AKAP6: variants seen among roughly 807,000 people sequenced by gnomAD.
AKAP6 encodes the protein A-kinase anchor protein 6.
AKAP6 carries 58 observed loss-of-function variants against 188.5 expected under a neutral mutation model. The observed-to-expected ratio is 0.31, with a 90% confidence interval of 0.25 to 0.38. The LOEUF (loss-of-function observed/expected upper bound fraction) is 0.38. AKAP6 is among the 10% of genes least tolerant of loss of function. AKAP6 has a pLI of 1.00. For missense variants in AKAP6, 2,710 were observed against 2,740.0 expected, an observed-to-expected ratio of 0.99 and a Z score of 0.24; for synonymous variants, 989 against 998.6, an observed-to-expected ratio of 0.99 and a Z score of 0.18.
At chr14:32,592,943 A>G (rs1044099555) in intron 5 of AKAP6, among the ~76,000 whole-genome samples, 3 of 150,684 alleles carry the variant, frequency 2.0e-5, no homozygotes, top group African/African-American at 7.3e-5. Context: ...ATTCTACAGC[A>G]TGTCATAACT....
At chr14:32,451,080 T>C (rs192141684) in intron 2 of AKAP6, among the ~76,000 whole-genome samples, 353 of 152,292 alleles carry the variant, frequency 2.3e-3, no homozygotes, top group African/African-American at 8.0e-3. Context: ...TGGAAATACT[T>C]ATGAACAAAC....
chr14:32,468,195 C>T (rs1356663801), intron 2 of AKAP6, among the ~76,000 whole-genome samples: 1 of 152,074 alleles, frequency 6.6e-6, no homozygotes, highest in Non-Finnish European at 1.5e-5. Context: ...TTAAGAGAAA[C>T]ACTGGCACCT....
intron 12 of AKAP6, among the ~76,000 whole-genome samples, chr14:32,776,551 A>G (rs7146115): frequency 0.021 from 3,234 of 152,304 alleles, 116 homozygotes; most frequent in African/African-American, 0.073. Context: ...ATACACTGCT[A>G]TATCCCCCAG....
At chr14:32,675,183 G>A (rs1419149633) in intron 7 of AKAP6, among the ~76,000 whole-genome samples, 1 of 152,052 alleles carries the variant, frequency 6.6e-6, no homozygotes, top group African/African-American at 2.4e-5. Context: ...TATAAATCCA[G>A]CCGATTTCTC....
chr14:32,353,137 T>C (rs961920818), intron 1 of AKAP6, among the ~76,000 whole-genome samples: 2 of 152,184 alleles, frequency 1.3e-5, no homozygotes, highest in Admixed American at 1.3e-4. Context: ...CACTTACCTA[T>C]AGAGAACAGT....
intron 7 of AKAP6, among the ~76,000 whole-genome samples, chr14:32,614,597 T>C (rs1395482739): frequency 6.6e-6 from 1 of 152,200 alleles, no homozygotes; most frequent in Admixed American, 6.5e-5. Context: ...TATCAAATAA[T>C]GTTTATTAAG....
chr14:32,580,760 G>T (rs1056146397), intron 5 of AKAP6, among the ~76,000 whole-genome samples: 4 of 151,114 alleles, frequency 2.6e-5, no homozygotes, highest in Middle Eastern at 3.2e-3. Flanking sequence ...GTGTCCATGT[G>T]TTCTCATTGT....
chr14:32,329,587 T>C (rs1458338408), intron 1 of AKAP6, among the ~76,000 whole-genome samples, 179 bp downstream of exon 1: 1 of 152,098 alleles, frequency 6.6e-6, no homozygotes, highest in Non-Finnish European at 1.5e-5. Context: ...AAGAGTCATA[T>C]AGGAATTAAA....
intron 2 of AKAP6, among the ~76,000 whole-genome samples, chr14:32,468,765 A>G (rs1245997804): frequency 6.6e-6 from 1 of 152,144 alleles, no homozygotes; most frequent in African/African-American, 2.4e-5. Flanking sequence ...TGACAGAAAC[A>G]CAACCACTTC....
intron 12 of AKAP6, among the ~76,000 whole-genome samples, chr14:32,811,523 A>G (rs555128181): frequency 2.4e-4 from 36 of 152,290 alleles, no homozygotes; most frequent in Non-Finnish European, 4.7e-4. Context: ...TTAGGTTACA[A>G]CTGTAACTAT....
intron 12 of AKAP6, among the ~76,000 whole-genome samples, chr14:32,775,067 T>A (rs1425034791): frequency 1.3e-5 from 2 of 152,232 alleles, no homozygotes; most frequent in East Asian, 3.8e-4. Context: ...GCTGAAGTTG[T>A]TAAATTTCTT....
intron 12 of AKAP6, among the ~76,000 whole-genome samples, chr14:32,785,641 A>C (rs1209938962): frequency 6.6e-6 from 1 of 152,182 alleles, no homozygotes; most frequent in Non-Finnish European, 1.5e-5. Context: ...AAGTGTTGTA[A>C]ATATAAGGCT....
intron 11 of AKAP6, among the ~76,000 whole-genome samples, chr14:32,756,178 T>C (rs1328260487): frequency 6.6e-6 from 1 of 152,060 alleles, no homozygotes; most frequent in Non-Finnish European, 1.5e-5. Context: ...AGCCTGGAGC[T>C]AGAATCTACC....
At chr14:32,395,455 A>G (rs993410740) in intron 1 of AKAP6, among the ~76,000 whole-genome samples, 5 of 152,190 alleles carry the variant, frequency 3.3e-5, no homozygotes, top group Non-Finnish European at 7.3e-5. Context: ...GTTAACCCTC[A>G]GAAGAGGGCA....
chr14:32,418,777 T>C (rs1019547642), intron 1 of AKAP6, among the ~76,000 whole-genome samples: 3 of 152,150 alleles, frequency 2.0e-5, no homozygotes, highest in Admixed American at 2.0e-4. Context: ...AGCAAGATAA[T>C]AAATAATTAT....
At chr14:32,597,163 A>C (rs1441734713) in intron 5 of AKAP6, among the ~76,000 whole-genome samples, 2 of 152,126 alleles carry the variant, frequency 1.3e-5, no homozygotes, top group African/African-American at 4.8e-5. Context: ...CATCTATTCT[A>C]TACTCTTGGC....
intron 2 of AKAP6, among the ~76,000 whole-genome samples, chr14:32,518,076 G>C (rs906237544): frequency 2.6e-5 from 4 of 152,166 alleles, no homozygotes; most frequent in Non-Finnish European, 5.9e-5. Context: ...TGATACCCAG[G>C]CAAACAGGTT....
chr14:32,722,415 T>C (rs2030592173), intron 9 of AKAP6, among the ~76,000 whole-genome samples: 1 of 152,106 alleles, frequency 6.6e-6, no homozygotes, highest in Admixed American at 6.6e-5. Flanking sequence ...CAGGGAAATA[T>C]TGGGTAGAAG....
At chr14:32,561,694 G>C (rs1198280350) in intron 4 of AKAP6, among the ~76,000 whole-genome samples, 2 of 152,190 alleles carry the variant, frequency 1.3e-5, no homozygotes, top group East Asian at 3.9e-4. Flanking sequence ...AGACATCCTT[G>C]AGGAATTTGG....
Sources: gnomAD v4.1 joint callset for allele counts (sites outside exome capture counted in the v4.1 genomes callset) on GRCh38, gnomAD v4.1.1 for gene constraint, MANE v1.5 for transcripts, NCBI Gene and HGNC (gene_info 2026-07-23, HGNC 2026-07-21) for gene names.